Variants in DPP6 observed in about 807,000 individuals in gnomAD.
DPP6 encodes dipeptidyl peptidase like 6.
DPP6 carries 69 observed loss-of-function variants against 122.6 expected under a neutral mutation model. The observed-to-expected ratio is 0.56, with a 90% confidence interval of 0.46 to 0.69. DPP6 has a LOEUF of 0.69. Among genes scored for constraint, DPP6 ranks in the 30% least tolerant of loss-of-function variants. The pLI, the probability that DPP6 is intolerant of heterozygous loss-of-function variation, is 0.00. For synonymous variants in DPP6, 418 were observed against 433.1 expected (o/e 0.97, Z 0.43); for missense variants, 928 against 1,116.9 (o/e 0.83, Z 2.41).
the DPP6 span, among the ~76,000 whole-genome samples, chr7:153,802,973 C>T: frequency 4.0e-4 from 61 of 151,798 alleles, no homozygotes; most frequent in Admixed American, 3.7e-3. Flanking sequence ...CTCAGCCCGG[C>T]AGGCAGGCAG....
At chr7:154,455,125 G>A (rs192384083) in intron 2 of DPP6, among the ~76,000 whole-genome samples, 189 of 152,224 alleles carry the variant, frequency 1.2e-3, no homozygotes, top group Non-Finnish European at 2.2e-3. Context: ...TGCTTCACTC[G>A]CCCACACGCA....
intron 1 of DPP6, among the ~76,000 whole-genome samples, chr7:154,372,075 C>G (rs1172250619): frequency 2.0e-5 from 3 of 151,906 alleles, no homozygotes; most frequent in Admixed American, 2.0e-4. Flanking sequence ...GACCACCCCC[C>G]GGGGAGTGGG....
intron 7 of DPP6, among the ~76,000 whole-genome samples, chr7:154,708,038 G>C (rs1840930885): frequency 6.6e-6 from 1 of 152,094 alleles, no homozygotes; most frequent in Non-Finnish European, 1.5e-5. Flanking sequence ...AAAGGGAAAA[G>C]GCCAAAATAT....
At chr7:154,749,510 TGA>T (rs1843241669) in intron 8 of DPP6, among the ~76,000 whole-genome samples, 2 of 135,084 alleles carry the variant, frequency 1.5e-5, no homozygotes, top group Admixed American at 7.4e-5. Context: ...GAGGCTTTAC[TGA>T]GAGAGGGTGA....
At chr7:154,188,916 C>G (rs1798483103) in intron 1 of DPP6, among the ~76,000 whole-genome samples, 1 of 152,200 alleles carries the variant, frequency 6.6e-6, no homozygotes, top group Admixed American at 6.5e-5. Context: ...CTGGAGGCAG[C>G]TTGTGTATTA....
intron 5 of DPP6, 151 bp downstream of exon 5, chr7:154,567,067 C>T (rs547390168): frequency 4.2e-4 from 76 of 178,874 alleles, no homozygotes; most frequent in Non-Finnish European, 6.9e-4. Flanking sequence ...ATCATACTGC[C>T]ACCTAGGAGA....
At chr7:154,538,732 A>G (rs1466755684) in intron 3 of DPP6, among the ~76,000 whole-genome samples, 1 of 152,234 alleles carries the variant, frequency 6.6e-6, no homozygotes, top group African/African-American at 2.4e-5. Flanking sequence ...AAAATTTGCT[A>G]TATAAGGGCA....
intron 7 of DPP6, among the ~76,000 whole-genome samples, chr7:154,673,799 G>T (rs117877095): frequency 6.6e-6 from 1 of 152,054 alleles, no homozygotes; most frequent in Non-Finnish European, 1.5e-5. Context: ...CTGTTTCAAC[G>T]TATTTCTCTG....
chr7:154,740,292 T>C (rs935399986), intron 8 of DPP6, among the ~76,000 whole-genome samples: 2 of 147,166 alleles, frequency 1.4e-5, no homozygotes, highest in African/African-American at 2.6e-5. Flanking sequence ...TTGGGAACTC[T>C]AATTTCTTTT....
chr7:154,580,186 CT>C (rs1831965961), intron 5 of DPP6, among the ~76,000 whole-genome samples: 1 of 150,292 alleles, frequency 6.7e-6, no homozygotes, highest in Admixed American at 6.6e-5. Context: ...TGCACACATA[CT>C]CTCCCTCCCC....
chr7:153,847,279 C>G, the DPP6 span, among the ~76,000 whole-genome samples: 1 of 152,172 alleles, frequency 6.6e-6, no homozygotes, highest in Non-Finnish European at 1.5e-5. Context: ...TATTTCCCTG[C>G]TGGGATTATC....
At chr7:154,135,347 TCACACTTCCTATGAGGC>T (rs1795495625) in intron 1 of DPP6, among the ~76,000 whole-genome samples, 2 of 150,746 alleles carry the variant, frequency 1.3e-5, no homozygotes, top group Non-Finnish European at 3.0e-5. Flanking sequence ...TCCTGTGAGC[TCACACTTCCTATGAGGC>T]CACACTTCCT....
At chr7:154,424,710 G>A (rs952220907) in intron 1 of DPP6, among the ~76,000 whole-genome samples, 1 of 152,132 alleles carries the variant, frequency 6.6e-6, no homozygotes, top group African/African-American at 2.4e-5. Flanking sequence ...GTCTTTGGGC[G>A]GCCTTGTTCA....
rs148397764 is a variant in DPP6 at position 154,169,546 on chromosome 7, A to G, written c.243+116483A>G. Among the ~76,000 whole-genome samples, 654 of 152,322 alleles carry G rather than the reference A, an allele frequency of 4.3e-3. 5 individuals are homozygous for G. The highest frequency in any genetic ancestry group is 0.015 in the African/African-American group (633 of 41,568). ...TTTCCTTCATTTTAAACTGAGGACA[A>G]TCATATCTAACTCCTGTGATAATTG... is the stretch of plus-strand genomic sequence containing the variant. On this transcript the variant is annotated intron_variant, in intron 1 of 25. Coordinates refer to ENST00000377770, the MANE Select transcript of DPP6 (RefSeq NM_130797.4).
intron 5 of DPP6, among the ~76,000 whole-genome samples, chr7:154,575,700 G>A (rs913424017): frequency 7.1e-6 from 1 of 141,334 alleles, no homozygotes; most frequent in East Asian, 2.1e-4. Context: ...TGTATGTGGT[G>A]TTTGTGTATG....
chr7:154,779,971 C>T (rs1796925975), intron 10 of DPP6, among the ~76,000 whole-genome samples: 1 of 152,154 alleles, frequency 6.6e-6, no homozygotes, highest in South Asian at 2.1e-4. Flanking sequence ...TGCTCTGTTC[C>T]CCTCACCTGT....
intron 1 of DPP6, among the ~76,000 whole-genome samples, chr7:153,904,385 A>T (rs1405098469): frequency 1.3e-5 from 2 of 151,980 alleles, no homozygotes; most frequent in Admixed American, 1.3e-4. Context: ...CCATCTTTCA[A>T]TTTTTTACAC....
At chr7:154,501,767 C>G (rs1325759413) in intron 3 of DPP6, among the ~76,000 whole-genome samples, 1 of 152,202 alleles carries the variant, frequency 6.6e-6, no homozygotes, top group Non-Finnish European at 1.5e-5. Flanking sequence ...AGCCCCGACA[C>G]AGAATCCCTA....
At chr7:154,247,527 G>C (rs1802059020) in intron 1 of DPP6, among the ~76,000 whole-genome samples, 1 of 152,068 alleles carries the variant, frequency 6.6e-6, no homozygotes, top group Admixed American at 6.5e-5. Context: ...ACCAGGAAAT[G>C]CCAGCTAAAA....
Sources: allele counts gnomAD v4.1 joint callset (sites outside exome capture counted in the v4.1 genomes callset), GRCh38; gene constraint gnomAD v4.1.1; transcripts MANE v1.5; gene names NCBI Gene and HGNC (gene_info 2026-07-23, HGNC 2026-07-21).